Variants in CAST observed in about 807,000 individuals in gnomAD.
CAST encodes MIR583 host.
In CAST, 76 loss-of-function variants were observed where a neutral mutation model predicts 119.6. The ratio of observed to expected loss-of-function variants is 0.64; its 90% CI spans 0.53 to 0.77. The LOEUF is 0.77. CAST is among the 30% of genes least tolerant of loss of function. CAST has a pLI of 0.00. For synonymous variants in CAST, 319 were observed against 331.6 expected, an observed-to-expected ratio of 0.96 and a Z score of 0.41; for missense variants, 953 against 946.5, an observed-to-expected ratio of 1.01 and a Z score of -0.09.
chr5:96,046,107 G>A, the CAST span, among the ~76,000 whole-genome samples: 1 of 152,100 alleles, frequency 6.6e-6, no homozygotes, highest in African/African-American at 2.4e-5. Flanking sequence ...TCAGGAAGTG[G>A]CTAGGAGGCC....
chr5:96,748,150 T>A (rs1159423336), intron 18 of CAST, among the ~76,000 whole-genome samples: 1 of 152,200 alleles, frequency 6.6e-6, no homozygotes, highest in Non-Finnish European at 1.5e-5. Flanking sequence ...TTTTGACTTA[T>A]TCAGAAGAGA....
At chr5:96,251,956 T>A in the CAST span, among the ~76,000 whole-genome samples, 1 of 152,160 alleles carries the variant, frequency 6.6e-6, no homozygotes, top group Non-Finnish European at 1.5e-5. Context: ...AGAATTGAAA[T>A]CCTGTAAACT....
chr5:96,560,961 A>C (rs1379661776), intron 1 of CAST, among the ~76,000 whole-genome samples: 1 of 152,252 alleles, frequency 6.6e-6, no homozygotes, highest in Non-Finnish European at 1.5e-5. Flanking sequence ...CCAAATGTCC[A>C]ACAATGATAG....
At chr5:96,742,425 C>T (rs1167078791) in intron 15 of CAST, 2 of 499,380 alleles carry the variant, frequency 4.0e-6, no homozygotes, top group Non-Finnish European at 7.2e-6. Context: ...GAAGTGTGCC[C>T]CAGAGAACGC....
chr5:96,629,849 G>A (rs760778366), intron 1 of CAST, among the ~76,000 whole-genome samples: 1 of 152,206 alleles, frequency 6.6e-6, no homozygotes, highest in Non-Finnish European at 1.5e-5. Context: ...CTTATTTAGT[G>A]TTGATTTTGG....
the CAST span, among the ~76,000 whole-genome samples, chr5:96,370,447 T>C: frequency 2.6e-5 from 4 of 152,138 alleles, no homozygotes; most frequent in Non-Finnish European, 4.4e-5. Flanking sequence ...GAGGACAATA[T>C]GCAATATGGA....
At chr5:96,291,692 G>A in the CAST span, among the ~76,000 whole-genome samples, 1 of 152,056 alleles carries the variant, frequency 6.6e-6, no homozygotes, top group South Asian at 2.1e-4. Context: ...GGAGAGGGGA[G>A]CATGGAAGAC....
chr5:96,433,694 G>C, the CAST span, among the ~76,000 whole-genome samples: 1 of 152,300 alleles, frequency 6.6e-6, no homozygotes, highest in South Asian at 2.1e-4. Flanking sequence ...TTCAAAGAGA[G>C]AGGCTAGGAG....
intron 1 of CAST, among the ~76,000 whole-genome samples, chr5:96,663,924 C>T (rs962014482): frequency 3.0e-5 from 4 of 134,762 alleles, no homozygotes; most frequent in African/African-American, 1.2e-4. Context: ...CATGATTTAA[C>T]ATTAGATTGC....
At chr5:96,726,928 A>C (rs550623029) in intron 5 of CAST, 69 bp downstream of exon 5, 2 of 1,042,934 alleles carry the variant, frequency 1.9e-6, no homozygotes, top group Non-Finnish European at 3.0e-6. Flanking sequence ...AGCATGTGCT[A>C]ATAACTGCAA....
chr5:96,071,346 G>A, the CAST span, among the ~76,000 whole-genome samples: 1 of 151,996 alleles, frequency 6.6e-6, no homozygotes, highest in Non-Finnish European at 1.5e-5. Flanking sequence ...CCATCTCTCT[G>A]TCTCCAGTCC....
At chr5:96,683,359 T>C (rs946291297) in intron 2 of CAST, among the ~76,000 whole-genome samples, 2 of 152,212 alleles carry the variant, frequency 1.3e-5, no homozygotes, top group Non-Finnish European at 2.9e-5. Flanking sequence ...TTCTGCTCTC[T>C]TCTATGAGAA....
chr5:96,097,827 A>G, the CAST span, among the ~76,000 whole-genome samples: 2 of 152,182 alleles, frequency 1.3e-5, no homozygotes, highest in Non-Finnish European at 2.9e-5. Flanking sequence ...AATGATTTAT[A>G]TTCCTCTGGG....
chr5:95,999,239 T>C, the CAST span, among the ~76,000 whole-genome samples: 1 of 152,210 alleles, frequency 6.6e-6, no homozygotes, highest in Non-Finnish European at 1.5e-5. Flanking sequence ...TGACATGTGT[T>C]TTTTTGTGTC....
the CAST span, among the ~76,000 whole-genome samples, chr5:96,006,286 G>T: frequency 7.2e-5 from 11 of 152,118 alleles, no homozygotes; most frequent in East Asian, 1.4e-3. Flanking sequence ...CAATCTTATG[G>T]CTTCCCTGGG....
intron 17 of CAST, 126 bp from the exon 18 acceptor site, chr5:96,747,219 C>A (rs1763951772): frequency 1.5e-6 from 1 of 645,714 alleles, no homozygotes; most frequent in African/African-American, 1.9e-5. Flanking sequence ...GAAACACAAA[C>A]TCATGTAAAT....
chr5:96,346,335 C>T, the CAST span, among the ~76,000 whole-genome samples: 14 of 152,252 alleles, frequency 9.2e-5, no homozygotes, highest in East Asian at 2.7e-3. Flanking sequence ...ACCTGTGAGG[C>T]ATCTAATTTG....
chr5:96,399,615 A>T, the CAST span, among the ~76,000 whole-genome samples: 1 of 152,228 alleles, frequency 6.6e-6, no homozygotes. Flanking sequence ...ATCAACCCTA[A>T]GATGCATTTT....
the CAST span, among the ~76,000 whole-genome samples, chr5:96,177,436 G>A: frequency 6.6e-6 from 1 of 152,166 alleles, no homozygotes; most frequent in African/African-American, 2.4e-5. Context: ...GAAGCAAATT[G>A]CTGCTGATAG....
Sources: allele counts gnomAD v4.1 joint callset (sites outside exome capture counted in the v4.1 genomes callset), GRCh38; gene constraint gnomAD v4.1.1; transcripts MANE v1.5; gene names NCBI Gene and HGNC (gene_info 2026-07-23, HGNC 2026-07-21).